Variants in WDR41 observed in about 807,000 individuals in gnomAD.
The protein encoded by WDR41 is WD repeat domain 41.
A neutral mutation model predicts 69.3 loss-of-function variants in WDR41; 63 were observed. That is an observed-to-expected ratio of 0.91 (90% CI 0.74 to 1.12). The LOEUF is 1.12. Ranked by LOEUF, WDR41 falls within the 50% of genes most tolerant of loss-of-function variation. The pLI is 0.00. For missense variants in WDR41, 543 were observed against 534.5 expected, an observed-to-expected ratio of 1.02 and a Z score of -0.16; for synonymous variants, 185 against 192.1, an observed-to-expected ratio of 0.96 and a Z score of 0.31.
intron 1 of WDR41, among the ~76,000 whole-genome samples, chr5:77,564,722 C>A (rs913746806): frequency 3.9e-5 from 6 of 152,060 alleles, no homozygotes; most frequent in African/African-American, 1.4e-4. Context: ...TCCCAGTGAC[C>A]CTAAAATCCT....
chr5:77,540,179 A>G (rs1446297866), intron 1 of WDR41, among the ~76,000 whole-genome samples: 1 of 152,174 alleles, frequency 6.6e-6, no homozygotes, highest in Non-Finnish European at 1.5e-5. Flanking sequence ...AGGGTGTCAA[A>G]TGTTACTCTA....
At chr5:77,515,164 C>T (rs1323155662) in intron 1 of WDR41, among the ~76,000 whole-genome samples, 1 of 152,058 alleles carries the variant, frequency 6.6e-6, no homozygotes, top group Non-Finnish European at 1.5e-5. Flanking sequence ...AATAACACAT[C>T]TTAAAACATA....
At chr5:77,440,778 A>G in intron 9 of WDR41, 35 bp downstream of exon 9, 1 of 1,602,414 alleles carries the variant, frequency 6.2e-7, no homozygotes. Context: ...ATATATGTCA[A>G]AGGCAAGTTT....
At chr5:77,598,634 A>T (rs1159793137) in intron 1 of WDR41, among the ~76,000 whole-genome samples, 1 of 149,352 alleles carries the variant, frequency 6.7e-6, no homozygotes, top group Non-Finnish European at 1.5e-5. Flanking sequence ...TATGTGAATC[A>T]GTAAGTTTCC....
chr5:77,480,790 A>G (rs533337918), intron 2 of WDR41, among the ~76,000 whole-genome samples: 382 of 151,250 alleles, frequency 2.5e-3, no homozygotes, highest in African/African-American at 8.8e-3. Flanking sequence ...TAACCTGCAC[A>G]TTGTGCACAT....
intron 2 of WDR41, among the ~76,000 whole-genome samples, chr5:77,483,427 C>T (rs1290920922): frequency 4.6e-5 from 7 of 151,980 alleles, no homozygotes; most frequent in African/African-American, 1.4e-4. Flanking sequence ...GGCTGAGTCA[C>T]CGTGCCCAGC....
chr5:77,469,246 G>C (rs1800446311), intron 2 of WDR41, among the ~76,000 whole-genome samples: 1 of 152,064 alleles, frequency 6.6e-6, no homozygotes, highest in African/African-American at 2.4e-5. Flanking sequence ...CTGTCGTGGG[G>C]TGGGGGTAGG....
At chr5:77,490,929 T>C (rs556872118) in intron 1 of WDR41, among the ~76,000 whole-genome samples, 1 of 152,348 alleles carries the variant, frequency 6.6e-6, no homozygotes, top group South Asian at 2.1e-4. Context: ...CTGCCTACTC[T>C]CAACAATCCA....
At chr5:77,435,611 G>A (rs1397814238) in intron 12 of WDR41, among the ~76,000 whole-genome samples, 2 of 152,188 alleles carry the variant, frequency 1.3e-5, no homozygotes, top group Non-Finnish European at 2.9e-5. Flanking sequence ...AACAATTTAA[G>A]AAATTCCTTA....
intron 3 of WDR41, 85 bp from the exon 4 acceptor site, chr5:77,463,311 T>C (rs780612708): frequency 1.1e-5 from 14 of 1,290,126 alleles, no homozygotes; most frequent in African/African-American, 3.0e-5. Context: ...AACTACCATA[T>C]AGAAGATACA....
At chr5:77,578,767 G>A (rs765357583) in intron 1 of WDR41, among the ~76,000 whole-genome samples, 9 of 151,070 alleles carry the variant, frequency 6.0e-5, no homozygotes, top group Admixed American at 4.0e-4. Context: ...AGGAGGCTGA[G>A]GCAGGAGAAT....
intron 5 of WDR41, among the ~76,000 whole-genome samples, chr5:77,454,793 A>T (rs1201015824): frequency 6.6e-6 from 1 of 152,240 alleles, no homozygotes; most frequent in Non-Finnish European, 1.5e-5. Context: ...AATGCAGTTT[A>T]TATTTCTAGT....
At chr5:77,503,190 CAAAAAAAAAAAA>C (rs144057313) in intron 1 of WDR41, among the ~76,000 whole-genome samples, 2 of 74,302 alleles carry the variant, frequency 2.7e-5, no homozygotes, top group African/African-American at 5.1e-5. Flanking sequence ...AAATGGAAAG[CAAAAAAAAAAAA>C]AAAAAAAAGC....
chr5:77,582,276 C>A, intron 1 of WDR41: 1 of 1,160,646 alleles, frequency 8.6e-7, no homozygotes, highest in Non-Finnish European at 1.2e-6. Flanking sequence ...AAATTACCAA[C>A]TCTGGCTCAG....
At chr5:77,435,830 A>G (rs766834100) in intron 12 of WDR41, among the ~76,000 whole-genome samples, 1 of 152,216 alleles carries the variant, frequency 6.6e-6, no homozygotes, top group Non-Finnish European at 1.5e-5. Flanking sequence ...AAGCTAACAA[A>G]CTATTATCCT....
intron 12 of WDR41, among the ~76,000 whole-genome samples, chr5:77,433,956 T>C (rs991227945): frequency 3.9e-5 from 6 of 152,144 alleles, no homozygotes; most frequent in African/African-American, 1.4e-4. Context: ...AAAGGCAGCA[T>C]GAATACTATG....
At chr5:77,436,536 G>A (rs1365611021) in intron 11 of WDR41, 142 bp from the exon 12 acceptor site, 7 of 967,186 alleles carry the variant, frequency 7.2e-6, no homozygotes, top group Non-Finnish European at 1.0e-5. Context: ...ACCGTGCTAG[G>A]GTTTTGTGAA....
At chr5:77,594,302 T>C (rs1290102351) in intron 1 of WDR41, among the ~76,000 whole-genome samples, 1 of 149,204 alleles carries the variant, frequency 6.7e-6, no homozygotes, top group South Asian at 2.2e-4. Context: ...CATTAGGAGA[T>C]ATACCTAATG....
chr5:77,594,702 A>G (rs1284807386), intron 1 of WDR41, among the ~76,000 whole-genome samples: 3 of 152,176 alleles, frequency 2.0e-5, no homozygotes, highest in Non-Finnish European at 4.4e-5. Flanking sequence ...TCTCCTTTCT[A>G]TGGTAACGTA....
Sources: allele counts gnomAD v4.1 joint callset (sites outside exome capture counted in the v4.1 genomes callset), GRCh38; gene constraint gnomAD v4.1.1; transcripts MANE v1.5; gene names NCBI Gene and HGNC (gene_info 2026-07-23, HGNC 2026-07-21).